Variants in PGR observed in about 807,000 individuals in gnomAD.
PGR encodes progesterone receptor.
A neutral mutation model predicts 76.1 loss-of-function variants in PGR; 25 were observed. That is an observed-to-expected ratio of 0.33 (90% CI 0.24 to 0.46). PGR has a LOEUF of 0.46. Ranked by LOEUF, PGR falls within the 20% of genes least tolerant of loss-of-function variation. The pLI, the probability that PGR is intolerant of heterozygous loss-of-function variation, is 1.00. For missense variants in PGR, 1,172 were observed against 1,225.3 expected (o/e 0.96, Z 0.65); for synonymous variants, 579 against 535.0 (o/e 1.08, Z -1.14).
At chr11:101,126,267 A>T (rs1267361663) in intron 1 of PGR, 109 bp from the exon 2 acceptor site, 4 of 970,482 alleles carry the variant, frequency 4.1e-6, no homozygotes, top group Non-Finnish European at 6.4e-6. Context: ...TTAAAAACAG[A>T]ACTGTATATA....
intron 6 of PGR, among the ~76,000 whole-genome samples, chr11:101,047,826 G>A (rs1171321492): frequency 2.0e-5 from 3 of 151,930 alleles, no homozygotes; most frequent in African/African-American, 7.3e-5. Flanking sequence ...CAGACCCTTG[G>A]GGATCCACTG....
Position 101,061,531 on chromosome 11 carries a change from A to G in PGR, c.2212+916T>C, listed in dbSNP as rs867150008. Among the ~76,000 whole-genome samples, 4 of 152,312 alleles carry G rather than the reference A, an allele frequency of 2.6e-5. No individual in the cohort carries two copies. The Middle Eastern group carries it at 0.014, about 518-fold the overall frequency. ...AGAATTGGGAAGAAATTCTTTTTCT[A>G]AAAGTGCCATTGAATTTACTTGGGG... On this transcript the variant is annotated intron_variant, in intron 4 of 7. Transcript: ENST00000325455.
At chr11:101,104,420 A>C (rs572016727) in intron 2 of PGR, among the ~76,000 whole-genome samples, 3 of 152,238 alleles carry the variant, frequency 2.0e-5, no homozygotes, top group Non-Finnish European at 4.4e-5. Context: ...TATAGAGATA[A>C]ACATTTTATA....
chr11:101,088,863 C>T (rs936988361), intron 3 of PGR, among the ~76,000 whole-genome samples: 26 of 152,096 alleles, frequency 1.7e-4, no homozygotes, highest in African/African-American at 3.9e-4. Flanking sequence ...ATGAAAAGAA[C>T]GAAGTCACAT....
At chr11:101,061,171 G>A (rs151205091) in intron 4 of PGR, among the ~76,000 whole-genome samples, 58 of 152,122 alleles carry the variant, frequency 3.8e-4, no homozygotes, top group African/African-American at 1.3e-3. Context: ...AATGCTATTG[G>A]GTTATTTTTA....
chr11:101,046,848 G>T (rs1008491068), intron 6 of PGR, among the ~76,000 whole-genome samples: 2 of 151,734 alleles, frequency 1.3e-5, no homozygotes, highest in Non-Finnish European at 2.9e-5. Context: ...TGTCTGATTT[G>T]CCCAAAAGTT....
chr11:101,057,125 A>G (rs1860324985), intron 4 of PGR, among the ~76,000 whole-genome samples: 1 of 152,240 alleles, frequency 6.6e-6, no homozygotes, highest in African/African-American at 2.4e-5. Context: ...ATTGTAACTC[A>G]GAGTCATAGT....
chr11:101,041,676 G>T, intron 7 of PGR: 1 of 387,650 alleles, frequency 2.6e-6, no homozygotes, highest in South Asian at 3.4e-5. Flanking sequence ...AAATATTTTA[G>T]AACATATTCA....
At chr11:101,068,750 C>A (rs1565342264) in intron 3 of PGR, among the ~76,000 whole-genome samples, 2 of 150,936 alleles carry the variant, frequency 1.3e-5, no homozygotes, top group African/African-American at 2.4e-5. Flanking sequence ...CAAACCTGAC[C>A]AAAAAAAACA....
intron 3 of PGR, among the ~76,000 whole-genome samples, chr11:101,075,947 A>C (rs958119609): frequency 6.6e-6 from 1 of 152,192 alleles, no homozygotes; most frequent in Non-Finnish European, 1.5e-5. Context: ...ATACCATTTG[A>C]CCCAGCAATC....
intron 2 of PGR, among the ~76,000 whole-genome samples, chr11:101,109,860 A>G (rs1402521831): frequency 2.0e-5 from 3 of 152,228 alleles, no homozygotes; most frequent in African/African-American, 7.2e-5. Context: ...TTCAAAGGAA[A>G]GGCTGACTCT....
chr11:101,111,249 T>C (rs979605358), intron 2 of PGR, among the ~76,000 whole-genome samples: 2 of 152,186 alleles, frequency 1.3e-5, no homozygotes, highest in African/African-American at 2.4e-5. Flanking sequence ...TCTCACATTT[T>C]TTAGAATTCT....
chr11:101,030,416 A>T lies in PGR; in HGVS notation c.*8700T>A, dbSNP rs1384408692. 1 of 230,392 alleles carries T rather than the reference A, an allele frequency of 4.3e-6. No homozygotes were observed. The highest frequency in any genetic ancestry group is 8.6e-6 in the Non-Finnish European group (1 of 116,346). The allele number at this position is 230,392 out of a possible 1,614,324, so 14.3% of individuals were successfully genotyped here. A position where few individuals can be genotyped will look rare whatever the true frequency, so the allele number is the denominator to read the frequency against. On this transcript the variant is annotated 3_prime_UTR_variant, in exon 8 of 8. Coordinates refer to ENST00000325455, the MANE Select transcript of PGR (RefSeq NM_000926.4). ...GATCACTTAATTTTTACAGTTTTGC[A>T]TCTGTTACCAGCCAGTGCCAGGAGA... is the stretch of plus-strand genomic sequence containing the variant.
chr11:101,121,321 T>G (rs1862668581), intron 2 of PGR, among the ~76,000 whole-genome samples: 1 of 152,190 alleles, frequency 6.6e-6, no homozygotes, highest in Non-Finnish European at 1.5e-5. Context: ...TGCTGGATGA[T>G]CTGTGCACTA....
chr11:101,127,941 T>C lies in PGR; in HGVS notation c.1130A>G (p.Tyr377Cys). The change falls in exon 1 of 8, where the codon TAT becomes TGT. Residue 377 changes from tyrosine (Y) to cysteine (C), a missense_variant. By Grantham distance (194) the Tyr-to-Cys change is radical. Coordinates refer to ENST00000325455, the MANE Select transcript of PGR (RefSeq NM_000926.4). ...AEPKDDAYPL[Y>C]SDFQPPALKI... ...TAGAGCGGGCGGCTGGAAGTCGCTA[T>C]AGAGAGGGTACGCGTCGTCCTTGGG... 6.2e-7 allele frequency: 1 copy of C among 1,611,444 alleles called. No individual in the cohort carries two copies. The highest frequency in any genetic ancestry group is 1.6e-4 in the Middle Eastern group (1 of 6,062).
intron 6 of PGR, among the ~76,000 whole-genome samples, chr11:101,044,310 C>T (rs1290229354): frequency 6.6e-6 from 1 of 152,144 alleles, no homozygotes; most frequent in South Asian, 2.1e-4. Flanking sequence ...TAGCTTCAAA[C>T]TTTTTTCTGC....
chr11:101,083,949 TG>T (rs1861403039), intron 3 of PGR, among the ~76,000 whole-genome samples: 1 of 152,086 alleles, frequency 6.6e-6, no homozygotes, highest in South Asian at 2.1e-4. Flanking sequence ...ACATAAGCTT[TG>T]GGAGGGGCCA....
intron 4 of PGR, among the ~76,000 whole-genome samples, chr11:101,061,853 GTGA>G (rs1439021500): frequency 6.6e-6 from 1 of 152,132 alleles, no homozygotes; most frequent in Non-Finnish European, 1.5e-5. Flanking sequence ...AAATTCTTCT[GTGA>G]TGATATAATC....
intron 4 of PGR, among the ~76,000 whole-genome samples, chr11:101,059,863 A>AAAAAAAAAAAAAAAG (rs1565337616): frequency 2.8e-5 from 4 of 141,178 alleles, no homozygotes; most frequent in Non-Finnish European, 4.7e-5. Flanking sequence ...AAAAAAAAAG[A>AAAAAAAAAAAAAAAG]AAAAAAAGAA....
Sources: gnomAD v4.1 joint callset for allele counts (sites outside exome capture counted in the v4.1 genomes callset) on GRCh38, gnomAD v4.1.1 for gene constraint, MANE v1.5 for transcripts, NCBI Gene and HGNC (gene_info 2026-07-23, HGNC 2026-07-21) for gene names.